The following DENND1A variants were observed in gnomAD, a reference collection of about 807,000 sequenced individuals.
The protein encoded by DENND1A is DENN domain-containing protein 1A.
A neutral mutation model predicts 113.7 loss-of-function variants in DENND1A; 51 were observed. That is an observed-to-expected ratio of 0.45 (90% CI 0.36 to 0.57). DENND1A has a LOEUF of 0.57. Among genes scored for constraint, DENND1A ranks in the 20% least tolerant of loss-of-function variants. The probability of loss-of-function intolerance (pLI) is 0.00; values close to 1 mark genes in which losing one functional copy is unlikely to be tolerated. For missense variants in DENND1A, 1,258 were observed against 1,395.9 expected (o/e 0.90, Z 1.57); for synonymous variants, 565 against 570.8 (o/e 0.99, Z 0.14).
chr9:123,625,045 G>A (rs1245242547), intron 10 of DENND1A, among the ~76,000 whole-genome samples: 1 of 152,152 alleles, frequency 6.6e-6, no homozygotes, highest in Admixed American at 6.5e-5. Flanking sequence ...ACGGGTCTCT[G>A]TTAAACATTT....
intron 18 of DENND1A, among the ~76,000 whole-genome samples, chr9:123,442,262 C>T (rs2046982994): frequency 6.6e-6 from 1 of 152,110 alleles, no homozygotes; most frequent in Non-Finnish European, 1.5e-5. Flanking sequence ...AGATGATGAC[C>T]TCCTGGCTTT....
At chr9:123,438,643 G>T (rs919396015) in intron 19 of DENND1A, among the ~76,000 whole-genome samples, 1 of 151,942 alleles carries the variant, frequency 6.6e-6, no homozygotes, top group Admixed American at 6.6e-5. Context: ...TGGCAGCCAC[G>T]TGAGGGAAGT....
chr9:123,860,390 C>A (rs1383241109), intron 2 of DENND1A, among the ~76,000 whole-genome samples: 1 of 152,018 alleles, frequency 6.6e-6, no homozygotes, highest in African/African-American at 2.4e-5. Flanking sequence ...TGAATGATTC[C>A]CAGTAATTAA....
intron 13 of DENND1A, among the ~76,000 whole-genome samples, chr9:123,552,690 G>A (rs1290349704): frequency 1.3e-5 from 2 of 152,350 alleles, no homozygotes; most frequent in Non-Finnish European, 2.9e-5. Flanking sequence ...CTTCTACCCT[G>A]CAGGCTCATT....
At chr9:123,834,913 G>C (rs193172145) in intron 2 of DENND1A, among the ~76,000 whole-genome samples, 1 of 152,264 alleles carries the variant, frequency 6.6e-6, no homozygotes, top group African/African-American at 2.4e-5. Context: ...TAACCTGTCT[G>C]AGGTAGTTTT....
At chr9:123,609,175 G>A (rs2060298850) in intron 11 of DENND1A, among the ~76,000 whole-genome samples, 1 of 152,106 alleles carries the variant, frequency 6.6e-6, no homozygotes, top group South Asian at 2.1e-4. Flanking sequence ...AACCCTTAAA[G>A]AACCCTTTCC....
intron 5 of DENND1A, among the ~76,000 whole-genome samples, chr9:123,706,875 G>C (rs1169510271): frequency 6.6e-6 from 1 of 151,724 alleles, no homozygotes; most frequent in East Asian, 1.9e-4. Flanking sequence ...GCCCTTAACT[G>C]AGATGGGGAA....
At chr9:123,597,609 T>C (rs1231317243) in intron 11 of DENND1A, among the ~76,000 whole-genome samples, 1 of 152,110 alleles carries the variant, frequency 6.6e-6, no homozygotes, top group African/African-American at 2.4e-5. Flanking sequence ...GGATGGGCCC[T>C]AGGGTCATTA....
intron 1 of DENND1A, among the ~76,000 whole-genome samples, chr9:123,904,739 T>TAC (rs1192496863): frequency 6.6e-6 from 1 of 151,554 alleles, no homozygotes; most frequent in African/African-American, 2.4e-5. Flanking sequence ...CTGATTGGTG[T>TAC]ACCTGAAAGT....
chr9:123,884,525 C>G (rs966390646), intron 1 of DENND1A, among the ~76,000 whole-genome samples: 1 of 152,098 alleles, frequency 6.6e-6, no homozygotes, highest in Non-Finnish European at 1.5e-5. Context: ...GCCTCCCACC[C>G]CCCATCTTCT....
intron 1 of DENND1A, among the ~76,000 whole-genome samples, chr9:123,901,686 T>G (rs1256445658): frequency 1.3e-5 from 2 of 152,198 alleles, no homozygotes; most frequent in Non-Finnish European, 2.9e-5. Context: ...AATCTTCTGA[T>G]GCTACATCTT....
intron 13 of DENND1A, among the ~76,000 whole-genome samples, chr9:123,530,940 A>C (rs1016233460): frequency 6.6e-6 from 1 of 152,194 alleles, no homozygotes; most frequent in Non-Finnish European, 1.5e-5. Context: ...CAAATTTCTT[A>C]TTGTACATAA....
intron 18 of DENND1A, among the ~76,000 whole-genome samples, chr9:123,445,757 C>T (rs1222872769): frequency 6.6e-6 from 1 of 152,216 alleles, no homozygotes; most frequent in Non-Finnish European, 1.5e-5. Flanking sequence ...ATCCCAGCTA[C>T]TTGGGTGGCT....
At chr9:123,443,967 T>A (rs4629945) in intron 18 of DENND1A, among the ~76,000 whole-genome samples, 144,391 of 151,408 alleles carry the variant, frequency 0.95, 69,155 homozygotes, top group Non-Finnish European at 1. Flanking sequence ...AAGAAAAAAA[T>A]AAGGTGGGGG....
At chr9:123,618,302 G>A (rs1016604301) in intron 10 of DENND1A, among the ~76,000 whole-genome samples, 16 of 152,178 alleles carry the variant, frequency 1.1e-4, no homozygotes, top group African/African-American at 2.9e-4. Context: ...CTAGAGTGTC[G>A]TTGCTATAGA....
At chr9:123,434,228 T>C (rs1454024891) in intron 19 of DENND1A, among the ~76,000 whole-genome samples, 1 of 152,202 alleles carries the variant, frequency 6.6e-6, no homozygotes, top group African/African-American at 2.4e-5. Context: ...GGTTTCACCA[T>C]GTTGGCCAGG....
At position 123,904,823 on chromosome 9, in the gene DENND1A, C is replaced by T. The variant is rs541207178; in HGVS notation, c.17+25066G>A. The stretch of plus-strand genomic sequence containing the variant: ...GGAGAACTTCCCCAATCTAGCAAGG[C>T]AGGCCAACGTTCAGATTCAGGAAAT... On this transcript the variant is annotated intron_variant, in intron 1 of 23. Transcript: ENST00000394215. Among the ~76,000 whole-genome samples the T allele has an allele frequency of 2.6e-5, 4 of 152,164 alleles. No individual in the cohort carries two copies. The South Asian group carries it at 8.3e-4, about 32-fold the overall frequency.
chr9:123,701,294 A>G (rs1273721278), intron 5 of DENND1A, among the ~76,000 whole-genome samples: 1 of 152,246 alleles, frequency 6.6e-6, no homozygotes, highest in East Asian at 1.9e-4. Flanking sequence ...GAAACCATGT[A>G]ACAGATCATA....
At chr9:123,429,558 A>C (rs1031622900) in intron 19 of DENND1A, among the ~76,000 whole-genome samples, 2 of 152,162 alleles carry the variant, frequency 1.3e-5, no homozygotes, top group African/African-American at 4.8e-5. Context: ...CTGTCTCAAA[A>C]AAACAAACAA....
Sources: gnomAD v4.1 joint callset for allele counts (sites outside exome capture counted in the v4.1 genomes callset) on GRCh38, gnomAD v4.1.1 for gene constraint, MANE v1.5 for transcripts, NCBI Gene and HGNC (gene_info 2026-07-23, HGNC 2026-07-21) for gene names.